Variants in MACROD2 observed in about 807,000 individuals in gnomAD.
The protein encoded by MACROD2 is mono-ADP ribosylhydrolase 2, also known as ADP-ribose glycohydrolase MACROD2.
Under a neutral mutation model 70.4 loss-of-function variants are expected in MACROD2, and 36 were observed. The ratio of observed to expected loss-of-function variants is 0.51; its 90% confidence interval spans 0.39 to 0.68. The LOEUF (loss-of-function observed/expected upper bound fraction) is 0.68, where lower values mean the gene tolerates loss of function less well. MACROD2 is among the 30% of genes least tolerant of loss of function. The pLI, the probability that MACROD2 is intolerant of heterozygous loss-of-function variation, is 0.00. For synonymous variants in MACROD2, 172 were observed against 178.8 expected (o/e 0.96, Z 0.30); for missense variants, 496 against 538.4 (o/e 0.92, Z 0.78).
intron 4 of MACROD2, among the ~76,000 whole-genome samples, chr20:14,589,561 T>A (rs1981621387): frequency 1.3e-5 from 2 of 152,208 alleles, no homozygotes; most frequent in African/African-American, 4.8e-5. Context: ...TTTAGTTACA[T>A]ATGTAGCTCT....
chr20:15,857,303 T>C (rs1226833919), intron 8 of MACROD2, among the ~76,000 whole-genome samples: 1 of 151,896 alleles, frequency 6.6e-6, no homozygotes, highest in Non-Finnish European at 1.5e-5. Context: ...AAAGAGGAAG[T>C]AGGAAAGCTG....
At chr20:15,982,822 A>T (rs1210441139) in intron 13 of MACROD2, among the ~76,000 whole-genome samples, 1 of 152,176 alleles carries the variant, frequency 6.6e-6, no homozygotes, top group Non-Finnish European at 1.5e-5. Flanking sequence ...GCAGGACTTT[A>T]TGTTTAGGTT....
chr20:15,985,251 C>G (rs111714080), intron 13 of MACROD2, among the ~76,000 whole-genome samples: 8,965 of 152,198 alleles, frequency 0.059, 625 homozygotes, highest in African/African-American at 0.17. Context: ...TCACACCACA[C>G]ACACTCACCA....
chr20:14,596,531 TTTA>T (rs1459941792), intron 4 of MACROD2, among the ~76,000 whole-genome samples: 2 of 151,740 alleles, frequency 1.3e-5, no homozygotes, highest in Admixed American at 6.6e-5. Flanking sequence ...ACTCATAAAA[TTTA>T]TTATTATGGC....
chr20:15,855,589 G>C (rs2064347835), intron 8 of MACROD2, among the ~76,000 whole-genome samples: 1 of 152,130 alleles, frequency 6.6e-6, no homozygotes, highest in Admixed American at 6.5e-5. Flanking sequence ...ACAGCTTGAT[G>C]AATTTTCACA....
At chr20:15,123,885 C>T (rs1187562174) in intron 5 of MACROD2, among the ~76,000 whole-genome samples, 1 of 152,166 alleles carries the variant, frequency 6.6e-6, no homozygotes, top group Non-Finnish European at 1.5e-5. Context: ...GGCACTCACA[C>T]ATGCGATAAA....
chr20:14,320,071 C>T (rs1442768869), intron 3 of MACROD2, among the ~76,000 whole-genome samples: 1 of 152,142 alleles, frequency 6.6e-6, no homozygotes, highest in East Asian at 1.9e-4. Context: ...GAAGAGGGCA[C>T]TATTAATAAT....
intron 4 of MACROD2, among the ~76,000 whole-genome samples, chr20:14,529,828 G>A (rs139802602): frequency 0.012 from 1,823 of 152,274 alleles, 47 homozygotes; most frequent in African/African-American, 0.042. Context: ...GTATATCAAT[G>A]TTTAATATAT....
intron 5 of MACROD2, among the ~76,000 whole-genome samples, chr20:15,156,869 C>T (rs1281675868): frequency 6.6e-6 from 1 of 152,164 alleles, no homozygotes; most frequent in Non-Finnish European, 1.5e-5. Context: ...TGATTTTTCC[C>T]CATGCTTTTC....
At chr20:15,893,284 C>G (rs1387016146) in intron 10 of MACROD2, among the ~76,000 whole-genome samples, 2 of 152,144 alleles carry the variant, frequency 1.3e-5, no homozygotes, top group Non-Finnish European at 2.9e-5. Context: ...TAGTGCTTAC[C>G]AGTTACATGT....
chr20:15,952,812 A>G (rs1024326057), intron 12 of MACROD2, among the ~76,000 whole-genome samples: 1 of 150,748 alleles, frequency 6.6e-6, no homozygotes, highest in African/African-American at 2.5e-5. Context: ...TTATCCAACC[A>G]ATACTTAGGT....
chr20:14,589,097 C>T (rs960982473), intron 4 of MACROD2, among the ~76,000 whole-genome samples: 1 of 152,096 alleles, frequency 6.6e-6, no homozygotes, highest in African/African-American at 2.4e-5. Context: ...TGTATTCTAA[C>T]ACATGATGTT....
intron 8 of MACROD2, among the ~76,000 whole-genome samples, chr20:15,513,391 C>G (rs1194398321): frequency 6.6e-6 from 1 of 152,156 alleles, no homozygotes; most frequent in Non-Finnish European, 1.5e-5. Context: ...TAAAGGGATT[C>G]CATGAAGTTG....
At chr20:14,873,910 G>A (rs1267960948) in intron 5 of MACROD2, among the ~76,000 whole-genome samples, 1 of 151,972 alleles carries the variant, frequency 6.6e-6, no homozygotes, top group Admixed American at 6.6e-5. Context: ...ATTTATTCAG[G>A]ATAGCATATT....
chr20:14,448,781 G>T (rs1341184862), intron 3 of MACROD2, among the ~76,000 whole-genome samples: 1 of 151,868 alleles, frequency 6.6e-6, no homozygotes, highest in Admixed American at 6.6e-5. Context: ...CATGCAGTGC[G>T]TTGATTGTGC....
chr20:14,072,719 G>A (rs968003510), intron 2 of MACROD2, among the ~76,000 whole-genome samples: 16 of 152,112 alleles, frequency 1.1e-4, no homozygotes, highest in African/African-American at 3.6e-4. Context: ...CGGATCACGA[G>A]GTCAGGAGAT....
At chr20:14,678,998 T>A (rs2070896654) in intron 4 of MACROD2, among the ~76,000 whole-genome samples, 1 of 151,440 alleles carries the variant, frequency 6.6e-6, no homozygotes, top group Admixed American at 6.6e-5. Flanking sequence ...TTTAATTGAA[T>A]CAAAATCAAC....
intron 5 of MACROD2, among the ~76,000 whole-genome samples, chr20:15,072,362 A>T (rs1208490381): frequency 6.6e-6 from 1 of 152,212 alleles, no homozygotes; most frequent in African/African-American, 2.4e-5. Context: ...TTAAAGACAG[A>T]CAGGATAATT....
chr20:14,225,180 CAA>C (rs2081720846), intron 3 of MACROD2, among the ~76,000 whole-genome samples: 1 of 151,986 alleles, frequency 6.6e-6, no homozygotes, highest in African/African-American at 2.4e-5. Flanking sequence ...AAGGTGAAAA[CAA>C]ATAATTCTAG....
Sources: allele counts gnomAD v4.1 joint callset (sites outside exome capture counted in the v4.1 genomes callset), GRCh38; gene constraint gnomAD v4.1.1; transcripts MANE v1.5; gene names NCBI Gene and HGNC (gene_info 2026-07-23, HGNC 2026-07-21).